The following USP54 variants were observed in gnomAD, a reference collection of about 807,000 sequenced individuals.
USP54 encodes the protein ubiquitin carboxyl-terminal hydrolase 54.
USP54 carries 87 observed loss-of-function variants against 170.5 expected under a neutral mutation model. The ratio of observed to expected loss-of-function variants is 0.51; its 90% CI spans 0.43 to 0.61. USP54 has a LOEUF of 0.61. USP54 is among the 20% of genes least tolerant of loss of function. USP54 has a pLI of 0.00. For missense variants in USP54, 1,786 were observed against 2,047.8 expected (o/e 0.87, Z 2.47); for synonymous variants, 655 against 742.8 (o/e 0.88, Z 1.92).
chr10:73,559,062 C>T (rs533186862), intron 4 of USP54, among the ~76,000 whole-genome samples: 4 of 152,078 alleles, frequency 2.6e-5, no homozygotes, highest in South Asian at 4.2e-4. Flanking sequence ...TGTTGTTCAA[C>T]GGTTAACTGT....
At position 73,517,386 on chromosome 10, in the gene USP54, G is replaced by A. The variant is rs1333233763; in HGVS notation, c.3040C>T (p.Pro1014Ser). Reference protein sequence around the residue: ...CDNSSCSKLPPQEGRGIAQEQ... With the variant: ...CDNSSCSKLPSQEGRGIAQEQ... Reference sequence around the variant, plus strand: ...TGAGCAATGCCTCTTCCTTCTTGTGGAGGGAGCTTGCTGCAACTGCTGTTG... The same window carrying A: ...TGAGCAATGCCTCTTCCTTCTTGTGAAGGGAGCTTGCTGCAACTGCTGTTG... The change falls in exon 20 of 24, where the codon CCA becomes TCA. Residue 1014 changes from proline to serine, a missense_variant. Physicochemically the swap from Pro to Ser is moderately conservative, Grantham distance 74 (BLOSUM62 -1). Around this residue, in one of 3 missense-constraint regions of USP54, gnomAD observed 1,418 missense variants for 1,569.0 expected, o/e 0.90. Transcript: ENST00000687698. 3.1e-6 allele frequency: 5 copies of A among 1,613,704 alleles called. No individual in the cohort carries two copies. The highest frequency in any genetic ancestry group is 4.2e-6 in the Non-Finnish European group (5 of 1,179,846).
chr10:73,585,003 T>C (rs7899274), intron 1 of USP54, among the ~76,000 whole-genome samples: 25,201 of 152,116 alleles, frequency 0.17, 3,468 homozygotes, highest in African/African-American at 0.36. Flanking sequence ...CTAAAACACA[T>C]TCCACACCAT....
At chr10:73,622,957 A>G (rs1045653088) in intron 1 of USP54, among the ~76,000 whole-genome samples, 43 of 150,746 alleles carry the variant, frequency 2.9e-4, no homozygotes, top group African/African-American at 5.6e-4. Context: ...AAAAAAAAAA[A>G]GGGCTTAAAT....
chr10:73,578,258 C>T lies in USP54; in HGVS notation c.-581-1897G>A, dbSNP rs188538375. Reference sequence around the variant, plus strand: ...CAGTAACAAGTGGTCCAGAGAAATACTAACACCAAAAACATTTCACTTAAA... The same window carrying T: ...CAGTAACAAGTGGTCCAGAGAAATATTAACACCAAAAACATTTCACTTAAA... On this transcript the variant is annotated intron_variant, in intron 1 of 23. Coordinates refer to ENST00000687698, the MANE Select transcript of USP54 (RefSeq NM_001391956.1). Among the ~76,000 whole-genome samples, 20 of 152,282 alleles carry T rather than the reference C, an allele frequency of 1.3e-4. 1 individual carries two copies. The East Asian group carries it at 3.9e-3, about 29-fold the overall frequency.
chr10:73,541,986 G>A (rs905549089), intron 7 of USP54: 2 of 495,710 alleles, frequency 4.0e-6, no homozygotes, highest in Admixed American at 3.5e-5. Context: ...AAAGGGGAGG[G>A]ATGGGAGAGG....
At chr10:73,604,613 CAG>C (rs1222347542) in intron 1 of USP54, among the ~76,000 whole-genome samples, 1 of 136,614 alleles carries the variant, frequency 7.3e-6, no homozygotes, top group African/African-American at 2.7e-5. Flanking sequence ...TTTTTTGAGA[CAG>C]AGTCTCGCAT....
At chr10:73,524,201 C>T (rs1180538099) in intron 16 of USP54, among the ~76,000 whole-genome samples, 2 of 151,812 alleles carry the variant, frequency 1.3e-5, no homozygotes, top group African/African-American at 2.4e-5. Flanking sequence ...TGAGCCACTG[C>T]GCCTGGCCCA....
rs760160231 is a variant in USP54 at position 73,499,167 on chromosome 10, T to C, written c.4517A>G (p.Gln1506Arg). ...ACCCCTGTCACACATAGCCAGAAAC[T>C]GCTGGACACTCCTTGAAGTTCCTGG... The part of the protein sequence containing the change: ...RLPGTSRSVQ[Q>R]FLAMCDRGET... The change falls in exon 24 of 24, where the codon CAG becomes CGG. Residue 1506 changes from glutamine to arginine, a missense_variant. Transcript: ENST00000687698. 2.5e-5 allele frequency: 40 copies of C among 1,608,454 alleles called. No homozygotes were observed. The highest frequency in any genetic ancestry group is 3.2e-5 in the Non-Finnish European group (38 of 1,177,808).
At chr10:73,504,565 C>T (rs1345546943) in intron 22 of USP54, 2 of 448,602 alleles carry the variant, frequency 4.5e-6, no homozygotes, top group Admixed American at 7.0e-5. Context: ...CAATCAGCAG[C>T]CTTTGCTTCT....
chr10:73,536,520 A>T, intron 10 of USP54, 83 bp from the exon 11 acceptor site: 1 of 1,361,452 alleles, frequency 7.3e-7, no homozygotes, highest in Non-Finnish European at 9.6e-7. Flanking sequence ...CTGTATTTCT[A>T]AAGAAAATAA....
At chr10:73,561,479 T>A (rs1312158257) in intron 4 of USP54, among the ~76,000 whole-genome samples, 1 of 151,996 alleles carries the variant, frequency 6.6e-6, no homozygotes, top group Admixed American at 6.6e-5. Context: ...AATTAAAAAA[T>A]TTAAAATTTA....
At chr10:73,601,247 TAAA>T (rs1265841826) in intron 1 of USP54, among the ~76,000 whole-genome samples, 1 of 151,680 alleles carries the variant, frequency 6.6e-6, no homozygotes, top group East Asian at 1.9e-4. Context: ...TCCTTGAAAA[TAAA>T]AAAGGAGCTC....
At chr10:73,518,319 T>A in intron 19 of USP54, 1 of 858,304 alleles carries the variant, frequency 1.2e-6, no homozygotes. Flanking sequence ...TGGATTTTGT[T>A]CTATTAGTCA....
Position 73,617,614 on chromosome 10 carries a change from G to C in USP54, c.-18+7953C>G, listed in dbSNP as rs1274480964. Reference sequence around the variant, plus strand: ...GAGGGCTGAGGTGGAAAAATTCCTTGAGTTCAGGAGTTCAAGATCAGCCTG... The same window carrying C: ...GAGGGCTGAGGTGGAAAAATTCCTTCAGTTCAGGAGTTCAAGATCAGCCTG... On this transcript the variant is annotated intron_variant, in intron 1 of 22. Transcript: ENST00000339859. 2.7e-5 allele frequency among the ~76,000 whole-genome samples: 4 copies of C among 150,322 alleles called. No individual in the cohort carries two copies. In the South Asian group the frequency reaches 8.3e-4, roughly 31 times the overall value.
chr10:73,612,514 A>G (rs373674020), intron 1 of USP54, among the ~76,000 whole-genome samples: 6 of 152,110 alleles, frequency 3.9e-5, no homozygotes, highest in East Asian at 3.9e-4. Flanking sequence ...GTAAACAGCA[A>G]ACTAGAAAAA....
At chr10:73,517,898 C>G (rs1190153843) in intron 19 of USP54, 151 bp from the exon 20 acceptor site, 3 of 1,064,072 alleles carry the variant, frequency 2.8e-6, no homozygotes, top group Non-Finnish European at 4.0e-6. Flanking sequence ...GTCAGTAGTT[C>G]AGAGGATCAC....
rs768272586 is a variant in USP54 at position 73,498,856 on chromosome 10, G to A, written c.4828C>T (p.Leu1610Phe). The change falls in exon 24 of 24, where the codon CTT becomes TTT. Residue 1610 changes from leucine to phenylalanine, a missense_variant. Leu to Phe is a conservative substitution (Grantham distance 22). Coordinates refer to ENST00000687698, the MANE Select transcript of USP54 (RefSeq NM_001391956.1). ...CAAGCTGACCTCAGGGGTACATGAA[G>A]ACTGCTAGATGGTGGGTACACAGGA... The part of the protein sequence containing the change: ...VHPVYPPSSS[L>F]HVPLRSAWNS... The A allele has an allele frequency of 1.3e-5, 20 of 1,595,588 alleles. No homozygotes were observed. The highest frequency in any genetic ancestry group is 1.6e-5 in the Non-Finnish European group (19 of 1,170,264).
intron 5 of USP54, among the ~76,000 whole-genome samples, chr10:73,544,408 C>T (rs933646680): frequency 1.3e-5 from 2 of 152,164 alleles, no homozygotes; most frequent in Admixed American, 1.3e-4. Context: ...CACTGAAGGA[C>T]ATTTGGGTTG....
chr10:73,618,524 A>T (rs1015391660), intron 1 of USP54, among the ~76,000 whole-genome samples: 1 of 149,626 alleles, frequency 6.7e-6, no homozygotes, highest in African/African-American at 2.5e-5. Context: ...GGGGTGGATC[A>T]CCTAAGGTCA....
Sources: gnomAD v4.1 joint callset for allele counts (sites outside exome capture counted in the v4.1 genomes callset) on GRCh38, gnomAD v4.1.1 for gene constraint, gnomAD v4.1.1 regional missense constraint, MANE v1.5 for transcripts, NCBI Gene and HGNC (gene_info 2026-07-23, HGNC 2026-07-21) for gene names.